Variants in OSBP2 observed in about 807,000 individuals in gnomAD.
OSBP2 encodes the protein oxysterol-binding protein 2.
Under a neutral mutation model 96.0 loss-of-function variants are expected in OSBP2, and 66 were observed. That is an observed-to-expected ratio of 0.69 (90% CI 0.56 to 0.84). The LOEUF (loss-of-function observed/expected upper bound fraction) is 0.84. Among genes scored for constraint, OSBP2 ranks in the 40% least tolerant of loss-of-function variants. The probability of loss-of-function intolerance (pLI) is 0.00; values close to 1 mark genes in which losing one functional copy is unlikely to be tolerated. For synonymous variants in OSBP2, 525 were observed against 520.9 expected, an observed-to-expected ratio of 1.01 and a Z score of -0.11; for missense variants, 1,038 against 1,222.7, an observed-to-expected ratio of 0.85 and a Z score of 2.25.
At chr22:30,841,172 CA>C (rs916181666) in intron 2 of OSBP2, among the ~76,000 whole-genome samples, 6 of 151,292 alleles carry the variant, frequency 4.0e-5, no homozygotes, top group African/African-American at 1.5e-4. Context: ...CTCACAAAAA[CA>C]AAAAAACAAA....
chr22:30,764,364 A>G (rs1228881120), intron 2 of OSBP2: 4 of 985,286 alleles, frequency 4.1e-6, no homozygotes, highest in East Asian at 1.1e-4. Context: ...CTGCCACCCT[A>G]TTGCTCCAAA....
chr22:30,889,520 G>C lies in OSBP2; in HGVS notation c.1507G>C (p.Gly503Arg). 3.1e-6 allele frequency: 5 copies of C among 1,614,110 alleles called. No individual in the cohort carries two copies. The highest frequency in any genetic ancestry group is 4.2e-6 in the Non-Finnish European group (5 of 1,180,018). ...VLDGASLVPK[G>R]SSKVKRRVRI... ...AGATGGTGCCTCGCTCGTGCCCAAG[G>C]GTTCATCCAAAGTCAAGAGGCGAGT... is the stretch of plus-strand genomic sequence containing the variant. Residue 503 changes from glycine to arginine, a missense_variant, in exon 7 of 14, where the codon GGT becomes CGT. Coordinates refer to ENST00000332585, the MANE Select transcript of OSBP2 (RefSeq NM_030758.4).
intron 2 of OSBP2, among the ~76,000 whole-genome samples, chr22:30,743,283 C>T (rs2089962839): frequency 1.3e-5 from 2 of 152,204 alleles, no homozygotes; most frequent in African/African-American, 2.4e-5. Flanking sequence ...GTCTGTCTCC[C>T]AGCTCTAGGG....
At chr22:30,792,485 A>G (rs1301993691) in intron 2 of OSBP2, among the ~76,000 whole-genome samples, 1 of 152,202 alleles carries the variant, frequency 6.6e-6, no homozygotes, top group African/African-American at 2.4e-5. Flanking sequence ...GCCCACGGGT[A>G]AAAAGTTTGC....
intron 2 of OSBP2, among the ~76,000 whole-genome samples, chr22:30,844,200 C>T (rs2038820280): frequency 6.6e-6 from 1 of 152,108 alleles, no homozygotes; most frequent in Non-Finnish European, 1.5e-5. Flanking sequence ...CTTAAGGGCC[C>T]TAGGGTCTTT....
chr22:30,903,977 C>T (rs1448509100), intron 12 of OSBP2, among the ~76,000 whole-genome samples: 11 of 152,204 alleles, frequency 7.2e-5, no homozygotes, highest in Admixed American at 6.5e-4. Context: ...ATCTTGGGGA[C>T]ACACTTGGTT....
intron 2 of OSBP2, among the ~76,000 whole-genome samples, chr22:30,750,567 T>C (rs2090062969): frequency 6.6e-6 from 1 of 152,168 alleles, no homozygotes; most frequent in Middle Eastern, 3.2e-3. Flanking sequence ...GGACATGCCT[T>C]GTAATACCTC....
At chr22:30,824,317 C>T (rs898352755) in intron 2 of OSBP2, among the ~76,000 whole-genome samples, 7 of 152,166 alleles carry the variant, frequency 4.6e-5, no homozygotes, top group African/African-American at 1.7e-4. Context: ...TGGAGCAGAG[C>T]TTGCTGCACC....
At chr22:30,797,397 C>T (rs1031988016) in intron 2 of OSBP2, among the ~76,000 whole-genome samples, 2 of 151,884 alleles carry the variant, frequency 1.3e-5, no homozygotes, top group Non-Finnish European at 2.9e-5. Context: ...ATTCTCCTGC[C>T]TCAGCCTCTC....
rs144880626 is a variant in OSBP2, at chr22:30,887,678, A to G, written c.1300+60A>G. 1.6e-4 allele frequency: 231 copies of G among 1,408,730 alleles called. 1 individual carries two copies. The highest frequency in any genetic ancestry group is 1.5e-3 in the Middle Eastern group (6 of 4,058). 87.3% of individuals were successfully genotyped at this position (1,408,730 alleles called of 1,614,324 possible). A position where few individuals can be genotyped will look rare whatever the true frequency, so the allele number is the denominator to read the frequency against. ...CCTTCTGCCAGCTGGCTCTGCATAC[A>G]CAACTTCTGCGCCCCCACATGCACA... On this transcript the variant is annotated intron_variant, in intron 4 of 13. Coordinates refer to ENST00000332585, the MANE Select transcript of OSBP2 (RefSeq NM_030758.4).
At chr22:30,730,810 T>TTATA (rs1555908808) in intron 1 of OSBP2, among the ~76,000 whole-genome samples, 1 of 54,782 alleles carries the variant, frequency 1.8e-5, no homozygotes, top group Non-Finnish European at 3.4e-5. Context: ...ATATATATAA[T>TTATA]TTTTTTTTTT....
chr22:30,793,849 A>C (rs1225720337), intron 2 of OSBP2, among the ~76,000 whole-genome samples: 3 of 152,148 alleles, frequency 2.0e-5, no homozygotes, highest in African/African-American at 7.2e-5. Context: ...CTCTAAGAAA[A>C]AGTGGTCTAA....
chr22:30,835,797 G>T (rs1463321217), intron 2 of OSBP2, among the ~76,000 whole-genome samples: 1 of 149,532 alleles, frequency 6.7e-6, no homozygotes, highest in African/African-American at 2.5e-5. Flanking sequence ...GCTCATTGCA[G>T]CCTCGACCTC....
At chr22:30,819,665 G>A (rs2091124332) in intron 2 of OSBP2, among the ~76,000 whole-genome samples, 1 of 152,148 alleles carries the variant, frequency 6.6e-6, no homozygotes, top group Admixed American at 6.5e-5. Flanking sequence ...TGATTACATA[G>A]AAAAGAGAAA....
At chr22:30,761,415 T>C (rs948235846) in intron 2 of OSBP2, among the ~76,000 whole-genome samples, 3 of 152,180 alleles carry the variant, frequency 2.0e-5, no homozygotes, top group Non-Finnish European at 4.4e-5. Flanking sequence ...ATGTAAATAG[T>C]GTTAAATACT....
chr22:30,835,540 A>G (rs978076824), intron 2 of OSBP2, among the ~76,000 whole-genome samples: 10 of 152,050 alleles, frequency 6.6e-5, no homozygotes, highest in African/African-American at 2.4e-4. Flanking sequence ...TCTTAATTTG[A>G]ATGTAGTTGA....
chr22:30,860,438 G>A (rs963454491), intron 2 of OSBP2, among the ~76,000 whole-genome samples: 1 of 152,220 alleles, frequency 6.6e-6, no homozygotes, highest in African/African-American at 2.4e-5. Flanking sequence ...GAGTGCTTCA[G>A]CTGAGCCCCT....
chr22:30,903,442 T>C (rs2040258719), intron 12 of OSBP2, among the ~76,000 whole-genome samples: 1 of 152,202 alleles, frequency 6.6e-6, no homozygotes. Flanking sequence ...AAGTGGACTG[T>C]CCAAAGGGAT....
chr22:30,849,797 C>T (rs1260726140), intron 2 of OSBP2, among the ~76,000 whole-genome samples: 3 of 152,090 alleles, frequency 2.0e-5, no homozygotes, highest in African/African-American at 4.8e-5. Flanking sequence ...AAATTTTTGC[C>T]TACCTAAAGA....
Sources: gnomAD v4.1 joint callset for allele counts (sites outside exome capture counted in the v4.1 genomes callset) on GRCh38, gnomAD v4.1.1 for gene constraint, MANE v1.5 for transcripts, NCBI Gene and HGNC (gene_info 2026-07-23, HGNC 2026-07-21) for gene names.